HECTD4: variants seen among roughly 807,000 people sequenced by gnomAD.
HECTD4 encodes the protein probable E3 ubiquitin-protein ligase HECTD4.
In HECTD4, 114 loss-of-function variants were observed where a neutral mutation model predicts 471.5. The ratio of observed to expected loss-of-function variants is 0.24; its 90% CI spans 0.21 to 0.28. The LOEUF is 0.28. HECTD4 is among the 10% of genes least tolerant of loss of function. HECTD4 has a pLI of 1.00. For synonymous variants in HECTD4, 2,012 were observed against 2,256.0 expected, an observed-to-expected ratio of 0.89 and a Z score of 3.07; for missense variants, 3,866 against 5,651.5, an observed-to-expected ratio of 0.68 and a Z score of 10.13.
At chr12:112,312,710 A>C (rs1190001070) in intron 4 of HECTD4, among the ~76,000 whole-genome samples, 1 of 152,202 alleles carries the variant, frequency 6.6e-6, no homozygotes, top group Non-Finnish European at 1.5e-5. Context: ...AAAAAAATTC[A>C]ACTTAAGGCT....
intron 7 of HECTD4, among the ~76,000 whole-genome samples, chr12:112,297,812 A>T (rs2135670260): frequency 1.3e-5 from 2 of 152,276 alleles, no homozygotes; most frequent in Middle Eastern, 6.8e-3. Context: ...CTGAGAAGAA[A>T]ATTTGAGCAT....
chr12:112,348,789 A>C (rs1380774323), intron 1 of HECTD4, among the ~76,000 whole-genome samples: 1 of 152,162 alleles, frequency 6.6e-6, no homozygotes, highest in Non-Finnish European at 1.5e-5. Context: ...AAATGAAAAA[A>C]TATATAAATA....
chr12:112,364,165 G>T (rs1452500796), intron 1 of HECTD4, among the ~76,000 whole-genome samples: 1 of 151,950 alleles, frequency 6.6e-6, no homozygotes, highest in Non-Finnish European at 1.5e-5. Context: ...AGCAGTTTGG[G>T]AGGCTAAGAC....
At chr12:112,165,593 T>C (rs532330789) in intron 72 of HECTD4, among the ~76,000 whole-genome samples, 32 of 152,266 alleles carry the variant, frequency 2.1e-4, no homozygotes, top group African/African-American at 3.9e-4. Flanking sequence ...CCTCGTGATC[T>C]GCCCACCTTG....
Position 112,166,104 on chromosome 12 carries a change from T to A in HECTD4, c.12534+1213A>T, listed in dbSNP as rs577059301. On this transcript the variant is annotated intron_variant, in intron 72 of 75. Transcript: ENST00000682272. The surrounding 1 kb of genome is among the most constrained non-coding windows in gnomAD (Gnocchi z 4.6). ...CTGGCCTGTCTACCGGGACCCCGCC[T>A]CACATCCCCTGCTGCCCCAGCCTGT... 1 of 152,684 alleles carries A rather than the reference T, an allele frequency of 6.5e-6. No individual in the cohort carries two copies. The highest frequency in any genetic ancestry group is 1.5e-5 in the Non-Finnish European group (1 of 68,484). 9.5% of individuals were successfully genotyped at this position (152,684 alleles called of 1,614,324 possible).
At position 112,192,784 on chromosome 12, in the gene HECTD4, T is replaced by G. The variant is rs753267646; in HGVS notation, c.9087-19A>C. The stretch of plus-strand genomic sequence containing the variant: ...AGAGGAGCTGAGAAGGAGGGATGGG[T>G]GGGTGTTAATACAGGGTCTAGCCAT... On this transcript the variant is annotated intron_variant, in intron 58 of 75. Coordinates refer to ENST00000682272, the MANE Select transcript of HECTD4 (RefSeq NM_001388303.1). 2 of 1,546,620 alleles carry G rather than the reference T, an allele frequency of 1.3e-6. No homozygotes were observed. The highest frequency in any genetic ancestry group is 1.8e-6 in the Non-Finnish European group (2 of 1,140,294).
intron 7 of HECTD4, chr12:112,302,422 G>T: frequency 1.3e-6 from 1 of 755,164 alleles, no homozygotes; most frequent in East Asian, 2.5e-5. Context: ...GGGCCTGGGT[G>T]AACTGGTTAA....
intron 34 of HECTD4, among the ~76,000 whole-genome samples, chr12:112,238,076 G>A (rs1385547116): frequency 6.6e-6 from 1 of 152,046 alleles, no homozygotes; most frequent in African/African-American, 2.4e-5. Context: ...TATTTTTAAA[G>A]GGAGGAATAA....
At chr12:112,216,741 C>T (rs1265906782) in intron 47 of HECTD4, 32 bp downstream of exon 47, 2 of 1,606,198 alleles carry the variant, frequency 1.2e-6, no homozygotes, top group Non-Finnish European at 1.7e-6. Context: ...GGCTACTGCT[C>T]TCTGTCACAC....
At position 112,270,292 on chromosome 12, in the gene HECTD4, T is replaced by G; in HGVS notation, c.2110A>C (p.Ile704Leu). ...CCATTAACCATGGCCTTCTCCATAATGTCACAAATACTGCTAAGATGATGT... is the reference window on the plus strand; with the variant it reads ...CCATTAACCATGGCCTTCTCCATAAGGTCACAAATACTGCTAAGATGATGT... Reference protein sequence around the residue: ...EAHHLSSICDIMEKAMVNGDT... With the variant: ...EAHHLSSICDLMEKAMVNGDT... Residue 704 changes from isoleucine (I) to leucine (L), a missense_variant, in exon 12 of 76, where the codon ATT becomes CTT. Coordinates refer to ENST00000682272, the MANE Select transcript of HECTD4 (RefSeq NM_001388303.1). 3 of 1,614,072 alleles carry G rather than the reference T, an allele frequency of 1.9e-6. No homozygotes were observed.
chr12:112,200,876 C>T (rs200062657), intron 54 of HECTD4, 78 bp from the exon 55 acceptor site: 199 of 1,060,566 alleles, frequency 1.9e-4, no homozygotes, highest in Admixed American at 2.5e-4. Flanking sequence ...TGTGTGTGTG[C>T]GTGCGTGCGT....
At chr12:112,309,046 C>T (rs2035324681) in intron 5 of HECTD4, among the ~76,000 whole-genome samples, 155 bp from the exon 6 acceptor site, 1 of 152,170 alleles carries the variant, frequency 6.6e-6, no homozygotes, top group Non-Finnish European at 1.5e-5. Context: ...ACATTAACTT[C>T]AGGACTGCCA....
intron 7 of HECTD4, among the ~76,000 whole-genome samples, chr12:112,303,347 T>C (rs1485174106): frequency 3.3e-5 from 5 of 152,192 alleles, no homozygotes; most frequent in Non-Finnish European, 7.3e-5. Context: ...TCTCTTCCTC[T>C]GGGTATTCCC....
Position 112,193,108 on chromosome 12 carries a change from A to T in HECTD4, c.9039T>A (p.Ala3013=). ...VNMDVNFPGA[A]FVVVSCKESQ... Reference sequence around the variant, plus strand: ...TTTCTTTACAAGACACAACAACAAAAGCTGCCCCGGGGAAATTCACGTCCA... The same window carrying T: ...TTTCTTTACAAGACACAACAACAAATGCTGCCCCGGGGAAATTCACGTCCA... Residue 3013 remains alanine (A), a synonymous_variant, in exon 58 of 76, where the codon GCT becomes GCA. Transcript: ENST00000682272. This position sits in a 1 kb window ranked among gnomAD's most constrained non-coding sequence, Gnocchi z 5.2. 6.2e-7 allele frequency: 1 copy of T among 1,613,988 alleles called. No individual in the cohort carries two copies. Among genetic ancestry groups the T allele is most frequent in the Non-Finnish European group, 8.5e-7 (1 of 1,179,888 alleles).
At chr12:112,302,139 C>T in intron 7 of HECTD4, 1 of 1,073,264 alleles carries the variant, frequency 9.3e-7, no homozygotes, top group South Asian at 1.3e-5. Context: ...TAAGGGACTC[C>T]CATTTTACAA....
intron 48 of HECTD4, among the ~76,000 whole-genome samples, chr12:112,215,276 A>G (rs575054148): frequency 6.6e-6 from 1 of 152,338 alleles, no homozygotes; most frequent in Non-Finnish European, 1.5e-5. Context: ...GGCAGCTACA[A>G]GAGGCTACCT....
intron 1 of HECTD4, among the ~76,000 whole-genome samples, chr12:112,335,938 A>G (rs2135720585): frequency 6.6e-6 from 1 of 152,304 alleles, no homozygotes; most frequent in Non-Finnish European, 1.5e-5. Flanking sequence ...AGCTGCAAAC[A>G]TCACAAAAAG....
At chr12:112,223,509 T>C (rs942325966) in intron 44 of HECTD4, among the ~76,000 whole-genome samples, 2 of 152,188 alleles carry the variant, frequency 1.3e-5, no homozygotes, top group Non-Finnish European at 2.9e-5. Context: ...AACCTCCACC[T>C]CCTGGGATCA....
In HECTD4 at chr12:112,217,338, C is replaced by CACAT. The variant is rs776590496; in HGVS notation, c.7075-144_7075-143insATGT. ...ACACATACACACACACACACACATA[C>CACAT]ACACACACACACACACACAATTTAT... On this transcript the variant is annotated intron_variant, in intron 45 of 75. Coordinates refer to ENST00000682272, the MANE Select transcript of HECTD4 (RefSeq NM_001388303.1). The CACAT allele has an allele frequency of 8.7e-4, 164 of 188,910 alleles. 1 individual carries two copies. The highest frequency in any genetic ancestry group is 8.2e-3 in the African/African-American group (156 of 19,120). The allele number at this position is 188,910 out of a possible 1,614,324, so 11.7% of individuals were successfully genotyped here.
Sources: gnomAD v4.1 joint callset for allele counts (sites outside exome capture counted in the v4.1 genomes callset) on GRCh38, gnomAD v4.1.1 for gene constraint, Gnocchi (gnomAD v3.1) non-coding constraint, MANE v1.5 for transcripts, NCBI Gene and HGNC (gene_info 2026-07-23, HGNC 2026-07-21) for gene names.